The following CACNA1E variants were observed in gnomAD, a reference collection of about 807,000 sequenced individuals.
The protein encoded by CACNA1E is calcium voltage-gated channel subunit alpha1 E.
Under a neutral mutation model 259.2 loss-of-function variants are expected in CACNA1E, and 40 were observed. The observed-to-expected ratio is 0.15, with a 90% CI of 0.12 to 0.20. The LOEUF (loss-of-function observed/expected upper bound fraction) is 0.20, where lower values mean the gene tolerates loss of function less well. CACNA1E is among the 10% of genes least tolerant of loss of function. The pLI, the probability that CACNA1E is intolerant of heterozygous loss-of-function variation, is 1.00. For missense variants in CACNA1E, 1,874 were observed against 3,040.1 expected, an observed-to-expected ratio of 0.62 and a Z score of 9.02; for synonymous variants, 1,104 against 1,138.5, an observed-to-expected ratio of 0.97 and a Z score of 0.61.
At chr1:181,360,541 G>C (rs1162406405) in intron 1 of CACNA1E, among the ~76,000 whole-genome samples, 1 of 152,164 alleles carries the variant, frequency 6.6e-6, no homozygotes, top group Non-Finnish European at 1.5e-5. Context: ...GTCCAGAAGA[G>C]GCAAATCTGT....
rs1326236122 is a variant in CACNA1E at position 181,637,981 on chromosome 1, G to C, written c.952-13357G>C. 2.6e-5 allele frequency among the ~76,000 whole-genome samples: 4 copies of C among 152,352 alleles called. No homozygotes were observed. The East Asian group carries it at 5.8e-4, about 22-fold the overall frequency. On this transcript the variant is annotated intron_variant, in intron 6 of 47. Transcript: ENST00000367573. Reference sequence around the variant, plus strand: ...GTATACAGGTAGGCAGATGCTGTGAGAGACAGATGAGCTAGAGAGGGTAGG... The same window carrying C: ...GTATACAGGTAGGCAGATGCTGTGACAGACAGATGAGCTAGAGAGGGTAGG...
chr1:181,717,722 G>A (rs966410732), intron 11 of CACNA1E, among the ~76,000 whole-genome samples: 5 of 152,134 alleles, frequency 3.3e-5, no homozygotes, highest in African/African-American at 1.2e-4. Context: ...TCAGGGGCCT[G>A]TCCCTGCCAG....
At chr1:181,619,736 A>G (rs1324202090) in intron 6 of CACNA1E, among the ~76,000 whole-genome samples, 1 of 152,150 alleles carries the variant, frequency 6.6e-6, no homozygotes, top group Non-Finnish European at 1.5e-5. Flanking sequence ...GGAAAGGCTG[A>G]TGGATTTATT....
chr1:181,580,549 C>G (rs371506338), intron 5 of CACNA1E, 46 bp from the exon 6 acceptor site: 9 of 1,575,838 alleles, frequency 5.7e-6, no homozygotes, highest in Non-Finnish European at 7.9e-6. Flanking sequence ...CCAGCTCATG[C>G]GAAACACCAT....
chr1:181,674,545 TTA>T (rs2102221228), intron 7 of CACNA1E, among the ~76,000 whole-genome samples: 1 of 152,310 alleles, frequency 6.6e-6, no homozygotes, highest in African/African-American at 2.4e-5. Flanking sequence ...TCATTCTGTC[TTA>T]GAGCCCCTGG....
rs1661377547 is a variant in CACNA1E, at chr1:181,792,173, G to GT, written c.5899-1491dup. 2.0e-5 allele frequency among the ~76,000 whole-genome samples: 3 copies of GT among 151,804 alleles called. No homozygotes were observed. The South Asian group carries it at 6.2e-4, about 31-fold the overall frequency. On this transcript the variant is annotated intron_variant, in intron 44 of 47. Transcript: ENST00000367573. ...CGCAGCATTTTGCCTGCCTGGCGAT[G>GT]TGTCTAGTGGGAAAAAAATCTCAAT...
intron 1 of CACNA1E, among the ~76,000 whole-genome samples, chr1:181,323,606 T>G (rs1650542405): frequency 6.6e-6 from 1 of 152,238 alleles, no homozygotes; most frequent in Non-Finnish European, 1.5e-5. Flanking sequence ...TTTGCTATAT[T>G]TACTGAATAG....
At chr1:181,364,289 A>C (rs1375944653) in intron 1 of CACNA1E, among the ~76,000 whole-genome samples, 1 of 152,228 alleles carries the variant, frequency 6.6e-6, no homozygotes, top group East Asian at 1.9e-4. Flanking sequence ...AGTGCTGGTC[A>C]GCAGCCATTG....
intron 1 of CACNA1E, among the ~76,000 whole-genome samples, chr1:181,492,433 A>G (rs113545805): frequency 0.033 from 5,095 of 152,312 alleles, 295 homozygotes; most frequent in African/African-American, 0.11. Flanking sequence ...CTCCAGCTGT[A>G]CCAGATGACA....
At chr1:181,471,397 G>A (rs895632243) in intron 2 of CACNA1E, among the ~76,000 whole-genome samples, 28 of 152,114 alleles carry the variant, frequency 1.8e-4, no homozygotes, top group Admixed American at 1.4e-3. Context: ...ATCTTTATTC[G>A]CCTTATTTGG....
intron 6 of CACNA1E, among the ~76,000 whole-genome samples, chr1:181,586,468 G>A (rs1278030273): frequency 2.0e-5 from 3 of 152,124 alleles, no homozygotes; most frequent in Non-Finnish European, 4.4e-5. Flanking sequence ...CTGATGTTAA[G>A]GTGAAGAGGA....
At chr1:181,434,123 G>C (rs1394712019) in intron 2 of CACNA1E, among the ~76,000 whole-genome samples, 1 of 152,180 alleles carries the variant, frequency 6.6e-6, no homozygotes, top group Non-Finnish European at 1.5e-5. Flanking sequence ...GGCTCAGACT[G>C]GCTTTGGCAA....
chr1:181,535,443 GT>G (rs1347232992), intron 3 of CACNA1E, among the ~76,000 whole-genome samples: 1 of 152,016 alleles, frequency 6.6e-6, no homozygotes, highest in African/African-American at 2.4e-5. Context: ...CAAAACTTTT[GT>G]AGTTCAGTTA....
In CACNA1E at chr1:181,804,806, A is replaced by G. The variant is rs1251737980; in HGVS notation, c.*5972A>G. 6.6e-6 allele frequency: 1 copy of G among 151,926 alleles called. No individual in the cohort carries two copies. The highest frequency in any genetic ancestry group is 2.4e-5 in the African/African-American group (1 of 41,300). The allele number at this position is 151,926 out of a possible 1,614,324, so 9.4% of individuals were successfully genotyped here. On this transcript the variant is annotated 3_prime_UTR_variant, in exon 48 of 48. Transcript: ENST00000367573. ...TACCTATGAAATTCTCAGCATTGCT[A>G]TAAGCATTTGATTTTTTTTAAGGAA...
chr1:181,629,605 CA>C (rs1656509322), intron 6 of CACNA1E, among the ~76,000 whole-genome samples: 3 of 151,678 alleles, frequency 2.0e-5, no homozygotes, highest in Admixed American at 6.6e-5. Context: ...GTAATGTCAA[CA>C]AATGATTAAT....
intron 3 of CACNA1E, among the ~76,000 whole-genome samples, chr1:181,528,147 T>TG (rs10624478): frequency 0.14 from 18,508 of 136,378 alleles, 1,295 homozygotes; most frequent in South Asian, 0.19. Context: ...GGGCCCGGGG[T>TG]GGGGGGGGCA....
intron 1 of CACNA1E, among the ~76,000 whole-genome samples, chr1:181,501,212 G>A (rs1043849359): frequency 2.0e-5 from 3 of 152,254 alleles, no homozygotes; most frequent in South Asian, 2.1e-4. Flanking sequence ...CCAGTCACAC[G>A]CAAAACAAAT....
chr1:181,775,223 G>C (rs899001874), intron 37 of CACNA1E, among the ~76,000 whole-genome samples: 1 of 152,184 alleles, frequency 6.6e-6, no homozygotes, highest in African/African-American at 2.4e-5. Context: ...ACTAGTTGAG[G>C]CCTGGGTCAC....
chr1:181,498,863 C>T (rs1185600120), intron 1 of CACNA1E, among the ~76,000 whole-genome samples: 1 of 152,136 alleles, frequency 6.6e-6, no homozygotes, highest in Non-Finnish European at 1.5e-5. Context: ...TCTGGGGCTT[C>T]CTCATCCTTA....
Sources: gnomAD v4.1 joint callset for allele counts (sites outside exome capture counted in the v4.1 genomes callset) on GRCh38, gnomAD v4.1.1 for gene constraint, MANE v1.5 for transcripts, NCBI Gene and HGNC (gene_info 2026-07-23, HGNC 2026-07-21) for gene names.